The following COL23A1 variants were observed in gnomAD, a reference collection of about 807,000 sequenced individuals.
COL23A1 encodes the protein collagen type XXIII alpha 1 chain, also known as collagen alpha-1(XXIII) chain.
In COL23A1, 97 loss-of-function variants were observed where a neutral mutation model predicts 99.3. The ratio of observed to expected loss-of-function variants is 0.98; its 90% CI spans 0.83 to 1.16. COL23A1 has a LOEUF of 1.16. Among genes scored for constraint, COL23A1 ranks in the 50% most tolerant of loss-of-function variants. The pLI, the probability that COL23A1 is intolerant of heterozygous loss-of-function variation, is 0.00. For synonymous variants in COL23A1, 320 were observed against 308.2 expected, an observed-to-expected ratio of 1.04 and a Z score of -0.40; for missense variants, 762 against 757.4, an observed-to-expected ratio of 1.01 and a Z score of -0.07.
At chr5:178,510,449 T>C (rs1175373667) in intron 2 of COL23A1, among the ~76,000 whole-genome samples, 1 of 152,170 alleles carries the variant, frequency 6.6e-6, no homozygotes, top group Admixed American at 6.5e-5. Context: ...GGTTGAGGCA[T>C]GAGAATCACC....
chr5:178,446,118 A>G (rs898901373), intron 2 of COL23A1, among the ~76,000 whole-genome samples: 7 of 152,068 alleles, frequency 4.6e-5, no homozygotes, highest in East Asian at 1.9e-4. Flanking sequence ...TAAACACATT[A>G]TAACACCCAG....
chr5:178,495,759 C>A (rs556031892), intron 2 of COL23A1, among the ~76,000 whole-genome samples: 1 of 152,026 alleles, frequency 6.6e-6, no homozygotes, highest in South Asian at 2.1e-4. Context: ...GCTCAGGAGA[C>A]AGGGTAAGTA....
At chr5:178,464,491 A>T (rs1295892792) in intron 2 of COL23A1, among the ~76,000 whole-genome samples, 1 of 152,136 alleles carries the variant, frequency 6.6e-6, no homozygotes, top group African/African-American at 2.4e-5. Context: ...ATGTGCACGT[A>T]CCCCACTTAG....
chr5:178,379,780 T>C (rs1428881860), intron 2 of COL23A1, among the ~76,000 whole-genome samples: 2 of 144,366 alleles, frequency 1.4e-5, no homozygotes, highest in African/African-American at 5.1e-5. Context: ...ACTAGGGAGG[T>C]TGAGGCAGGA....
chr5:178,379,734 A>G (rs1763274745), intron 2 of COL23A1, among the ~76,000 whole-genome samples: 1 of 152,034 alleles, frequency 6.6e-6, no homozygotes, highest in Non-Finnish European at 1.5e-5. Context: ...ATACAAAATG[A>G]GCTGGGCCTA....
intron 2 of COL23A1, among the ~76,000 whole-genome samples, chr5:178,509,688 C>A (rs1413616636): frequency 6.6e-6 from 1 of 152,158 alleles, no homozygotes; most frequent in Admixed American, 6.5e-5. Flanking sequence ...TGTGGCCACA[C>A]GGCACTAACC....
At chr5:178,542,279 C>T (rs1005500966) in intron 2 of COL23A1, among the ~76,000 whole-genome samples, 1 of 152,210 alleles carries the variant, frequency 6.6e-6, no homozygotes, top group African/African-American at 2.4e-5. Flanking sequence ...GTCTCGCCCG[C>T]CTCAGCCTCC....
intron 9 of COL23A1, 38 bp downstream of exon 9, chr5:178,263,170 T>C: frequency 1.4e-6 from 2 of 1,476,936 alleles, no homozygotes; most frequent in Non-Finnish European, 1.9e-6. Context: ...GGGGTTTTGG[T>C]CAAGTCCTGC....
chr5:178,256,840 G>A, intron 14 of COL23A1, 26 bp downstream of exon 14: 14 of 1,606,086 alleles, frequency 8.7e-6, no homozygotes, highest in African/African-American at 1.3e-5. Context: ...GCCCGCAGGC[G>A]CCAGAGCAGA....
intron 2 of COL23A1, among the ~76,000 whole-genome samples, chr5:178,501,199 G>C (rs1758514710): frequency 6.6e-6 from 1 of 152,190 alleles, no homozygotes; most frequent in African/African-American, 2.4e-5. Flanking sequence ...ACAGCAGTCA[G>C]TTTTCTGGCT....
intron 3 of COL23A1, among the ~76,000 whole-genome samples, chr5:178,293,088 G>C (rs72819078): frequency 0.019 from 2,836 of 152,190 alleles, 35 homozygotes; most frequent in Non-Finnish European, 0.028. Context: ...GGGTGCTTTG[G>C]AGGAGCTCTG....
At chr5:178,510,180 TACC>T (rs1581532131) in intron 2 of COL23A1, among the ~76,000 whole-genome samples, 1 of 152,268 alleles carries the variant, frequency 6.6e-6, no homozygotes, top group East Asian at 1.9e-4. Context: ...TCTTAATCAA[TACC>T]CAGTGCTGGA....
rs1766433380 is a variant in COL23A1, at chr5:178,434,364, G to T, written c.361+126318C>A. ...CAGGACAGATGCAGCAACCACACAT[G>T]GTCCCACCAGGACAGCGCCCCTGCA... On this transcript the variant is annotated intron_variant, in intron 2 of 28. Coordinates refer to ENST00000390654, the MANE Select transcript of COL23A1 (RefSeq NM_173465.4). The surrounding 1 kb of genome is among the most constrained non-coding windows in gnomAD (Gnocchi z 4.3). Among the ~76,000 whole-genome samples, 1 of 152,226 alleles carries T rather than the reference G, an allele frequency of 6.6e-6. No individual in the cohort carries two copies. Among genetic ancestry groups the T allele is most frequent in the Non-Finnish European group, 1.5e-5 (1 of 68,038 alleles).
At chr5:178,344,970 AGGTG>A in intron 2 of COL23A1, 1 of 597,994 alleles carries the variant, frequency 1.7e-6, no homozygotes, top group Admixed American at 2.0e-5. Flanking sequence ...GAGACAGAAG[AGGTG>A]AAAAAGGAAC....
intron 12 of COL23A1, among the ~76,000 whole-genome samples, chr5:178,258,237 AT>A (rs765295411): frequency 0.25 from 20,124 of 80,334 alleles, 2,536 homozygotes; most frequent in African/African-American, 0.36. Flanking sequence ...CTGTCTTAAA[AT>A]ATATATATAT....
chr5:178,360,878 C>T lies in COL23A1; in HGVS notation c.362-53959G>A, dbSNP rs374872535. 1.6e-4 allele frequency among the ~76,000 whole-genome samples: 25 copies of T among 152,004 alleles called. No homozygotes were observed. The East Asian group carries it at 1.8e-3, about 11-fold the overall frequency. ...CCAATGTGATGGGAGAGAAATGCTA[C>T]GCACCTGGGGCTTAACCTCGAGCAG... On this transcript the variant is annotated intron_variant, in intron 2 of 28. Coordinates refer to ENST00000390654, the MANE Select transcript of COL23A1 (RefSeq NM_173465.4).
rs192009132 is a variant in COL23A1, at chr5:178,405,555, A to G, written c.362-98636T>C. ...TTGTTAAAAAAAGTATCACATACCC[A>G]AATGTGACATGCAATCGCACCTACT... On this transcript the variant is annotated intron_variant, in intron 2 of 28. Coordinates refer to ENST00000390654, the MANE Select transcript of COL23A1 (RefSeq NM_173465.4). Among the ~76,000 whole-genome samples the G allele has an allele frequency of 7.7e-4, 118 of 152,366 alleles. No homozygotes were observed. The East Asian group carries it at 0.021, about 27-fold the overall frequency.
chr5:178,360,124 G>A (rs548278315), intron 2 of COL23A1, among the ~76,000 whole-genome samples: 9 of 152,114 alleles, frequency 5.9e-5, no homozygotes, highest in African/African-American at 9.6e-5. Flanking sequence ...GCTGACATGC[G>A]AACCACATCT....
At chr5:178,345,812 G>A (rs560624144) in intron 2 of COL23A1, among the ~76,000 whole-genome samples, 4 of 151,838 alleles carry the variant, frequency 2.6e-5, no homozygotes, top group South Asian at 2.1e-4. Context: ...GGTATGAGCC[G>A]TTGCGCCCGG....
Sources: allele counts gnomAD v4.1 joint callset (sites outside exome capture counted in the v4.1 genomes callset), GRCh38; gene constraint gnomAD v4.1.1; non-coding constraint Gnocchi (gnomAD v3.1); transcripts MANE v1.5; gene names NCBI Gene and HGNC (gene_info 2026-07-23, HGNC 2026-07-21).